WBP2NL: variants seen among roughly 807,000 people sequenced by gnomAD.
The protein encoded by WBP2NL is WBP2 N-terminal like.
WBP2NL carries 27 observed loss-of-function variants against 23.3 expected under a neutral mutation model. That is an observed-to-expected ratio of 1.16 (90% CI 0.85 to 1.60). WBP2NL has a LOEUF of 1.60. Ranked by LOEUF, WBP2NL falls within the 40% of genes most tolerant of loss-of-function variation. WBP2NL has a pLI of 0.00. For missense variants in WBP2NL, 370 were observed against 389.5 expected, an observed-to-expected ratio of 0.95 and a Z score of 0.42; for synonymous variants, 151 against 145.9, an observed-to-expected ratio of 1.03 and a Z score of -0.25.
chr22:42,055,328 C>G (rs1370101559), intron 8 of WBP2NL, among the ~76,000 whole-genome samples: 2 of 152,180 alleles, frequency 1.3e-5, no homozygotes, highest in East Asian at 3.8e-4. Flanking sequence ...GCGCCTGCCA[C>G]CAAGCCTGGC....
downstream of WBP2NL, among the ~76,000 whole-genome samples, chr22:42,029,624 A>G (rs1924806268): frequency 6.6e-6 from 1 of 152,168 alleles, no homozygotes; most frequent in Non-Finnish European, 1.5e-5. Context: ...CTCCTGTCTC[A>G]GCCTCCTGAA....
intron 1 of WBP2NL, among the ~76,000 whole-genome samples, chr22:42,003,714 A>T (rs1921936242): frequency 6.6e-6 from 1 of 152,232 alleles, no homozygotes; most frequent in Non-Finnish European, 1.5e-5. Context: ...TGGATTCCAG[A>T]TTATTTTTCC....
At chr22:42,047,284 A>G (rs952763370) in intron 8 of WBP2NL, among the ~76,000 whole-genome samples, 13 of 151,202 alleles carry the variant, frequency 8.6e-5, no homozygotes, top group Non-Finnish European at 1.3e-4. Context: ...AAAAAAAAAA[A>G]AAAAAAGAAA....
At chr22:42,045,573 T>G (rs1369720000) in intron 8 of WBP2NL, among the ~76,000 whole-genome samples, 2 of 152,174 alleles carry the variant, frequency 1.3e-5, no homozygotes, top group African/African-American at 4.8e-5. Context: ...TTACAAGGAT[T>G]ATAAGGAATA....
intron 8 of WBP2NL, among the ~76,000 whole-genome samples, chr22:42,038,687 C>G (rs1925280230): frequency 6.6e-6 from 1 of 152,128 alleles, no homozygotes; most frequent in Non-Finnish European, 1.5e-5. Context: ...ACTGCAAGCT[C>G]CGTCTCCCGG....
chr22:42,020,883 TATATATATATATATATATATA>T (rs1923866567), intron 4 of WBP2NL, among the ~76,000 whole-genome samples: 4 of 37,816 alleles, frequency 1.1e-4, no homozygotes, highest in East Asian at 5.0e-4. Flanking sequence ...TATATATATA[TATATATATATATATATATATA>T]TATATTTTTT....
chr22:42,027,033 C>G lies in WBP2NL; in HGVS notation c.782C>G (p.Ala261Gly), dbSNP rs1924579499. ...GGAGCCCCACCTCTCGGATATGGAG[C>G]CCCACCTGCAGGAAATGAAGGCCCG... ...GYGAPPLGYG[A>G]PPAGNEGPPA... Residue 261 changes from alanine to glycine, a missense_variant, in exon 6 of 6, where the codon GCC becomes GGC. Ala to Gly is a moderately conservative substitution (Grantham distance 60, BLOSUM62 0). Coordinates refer to ENST00000328823, the MANE Select transcript of WBP2NL (RefSeq NM_152613.3). The G allele has an allele frequency of 1.2e-6, 2 of 1,613,946 alleles. No homozygotes were observed. The highest frequency in any genetic ancestry group is 2.7e-5 in the African/African-American group (2 of 74,906).
intron 1 of WBP2NL, among the ~76,000 whole-genome samples, chr22:42,009,045 C>T (rs1922567367): frequency 6.6e-6 from 1 of 152,210 alleles, no homozygotes; most frequent in African/African-American, 2.4e-5. Context: ...TCCCAAAGTG[C>T]TGGGATTACA....
At chr22:42,058,102 G>A (rs1438825210) in intron 8 of WBP2NL, among the ~76,000 whole-genome samples, 2 of 150,244 alleles carry the variant, frequency 1.3e-5, no homozygotes, top group Non-Finnish European at 3.0e-5. Context: ...ATTTTTAATA[G>A]AGATGGGGTT....
chr22:42,045,001 T>A (rs1416150693), intron 8 of WBP2NL, among the ~76,000 whole-genome samples: 1 of 151,980 alleles, frequency 6.6e-6, no homozygotes, highest in Non-Finnish European at 1.5e-5. Flanking sequence ...ATTTATTTTT[T>A]ATTTTTTTAA....
chr22:42,040,247 G>C (rs1925352914), intron 8 of WBP2NL, among the ~76,000 whole-genome samples: 2 of 144,634 alleles, frequency 1.4e-5, no homozygotes. Context: ...TTTTTAGACA[G>C]AGTCTTGCTC....
chr22:42,025,549 G>A (rs772612600), intron 5 of WBP2NL, among the ~76,000 whole-genome samples: 8 of 152,120 alleles, frequency 5.3e-5, no homozygotes, highest in Non-Finnish European at 1.0e-4. Context: ...ATATCCAGTT[G>A]TCCCAGAATC....
chr22:42,022,034 A>C (rs1924026878), intron 4 of WBP2NL, among the ~76,000 whole-genome samples: 1 of 152,074 alleles, frequency 6.6e-6, no homozygotes, highest in African/African-American at 2.4e-5. Flanking sequence ...TCCTGGGGTC[A>C]AGCAATCCTC....
intron 8 of WBP2NL, among the ~76,000 whole-genome samples, chr22:42,045,643 A>T (rs1020846735): frequency 2.0e-5 from 3 of 152,194 alleles, no homozygotes; most frequent in Non-Finnish European, 4.4e-5. Context: ...TAATTCCTTG[A>T]AAGAAACTCA....
intron 8 of WBP2NL, among the ~76,000 whole-genome samples, chr22:42,039,800 A>C (rs73418978): frequency 0.051 from 7,693 of 150,162 alleles, 683 homozygotes; most frequent in African/African-American, 0.18. Flanking sequence ...AGTTTTTTCT[A>C]TTCTCTATTT....
At chr22:42,057,865 G>GTATT (rs59053683) in intron 8 of WBP2NL, among the ~76,000 whole-genome samples, 1 of 59,646 alleles carries the variant, frequency 1.7e-5, no homozygotes, top group African/African-American at 8.3e-5. Flanking sequence ...ATGTGTGTGT[G>GTATT]TATGTATATA....
chr22:42,054,213 A>T (rs1815914754), intron 8 of WBP2NL, among the ~76,000 whole-genome samples: 1 of 151,956 alleles, frequency 6.6e-6, no homozygotes, highest in Non-Finnish European at 1.5e-5. Flanking sequence ...TTTGAGACAG[A>T]GTCTCACACT....
chr22:42,036,354 T>G (rs1214441275), downstream of WBP2NL, among the ~76,000 whole-genome samples: 1 of 152,160 alleles, frequency 6.6e-6, no homozygotes, highest in Non-Finnish European at 1.5e-5. Flanking sequence ...TTTTTTACTT[T>G]TAGTAGAGAT....
chr22:42,032,146 T>C (rs1924989418), downstream of WBP2NL: 1 of 152,234 alleles, frequency 6.6e-6, no homozygotes, highest in Non-Finnish European at 1.5e-5. Flanking sequence ...CCAGATTTTA[T>C]TTGGCACCAA....
Sources: gnomAD v4.1 joint callset for allele counts (sites outside exome capture counted in the v4.1 genomes callset) on GRCh38, gnomAD v4.1.1 for gene constraint, MANE v1.5 for transcripts, NCBI Gene and HGNC (gene_info 2026-07-23, HGNC 2026-07-21) for gene names.